TNFRSF19: variants seen among roughly 807,000 people sequenced by gnomAD.
TNFRSF19 encodes the protein TNF receptor superfamily member 19.
Under a neutral mutation model 46.4 loss-of-function variants are expected in TNFRSF19, and 27 were observed. The ratio of observed to expected loss-of-function variants is 0.58; its 90% CI spans 0.43 to 0.80. The LOEUF (loss-of-function observed/expected upper bound fraction) is 0.80, where lower values mean the gene tolerates loss of function less well. Among genes scored for constraint, TNFRSF19 ranks in the 30% least tolerant of loss-of-function variants. TNFRSF19 has a pLI of 0.00. For synonymous variants in TNFRSF19, 204 were observed against 205.0 expected, an observed-to-expected ratio of 1.00 and a Z score of 0.04; for missense variants, 511 against 530.8, an observed-to-expected ratio of 0.96 and a Z score of 0.37.
intron 7 of TNFRSF19, among the ~76,000 whole-genome samples, chr13:23,662,211 T>A (rs1338943784): frequency 6.6e-6 from 1 of 152,196 alleles, no homozygotes; most frequent in Non-Finnish European, 1.5e-5. Flanking sequence ...GATTTTTGTA[T>A]ATGGTGTAAA....
At chr13:23,580,167 G>A (rs7326101) in intron 1 of TNFRSF19, among the ~76,000 whole-genome samples, 6,781 of 152,284 alleles carry the variant, frequency 0.045, 502 homozygotes, top group African/African-American at 0.15. Context: ...ATATACTCCT[G>A]GAGATCAAGT....
intron 1 of TNFRSF19, among the ~76,000 whole-genome samples, chr13:23,576,626 CA>C (rs1332713155): frequency 1.3e-5 from 2 of 152,078 alleles, no homozygotes; most frequent in African/African-American, 4.8e-5. Flanking sequence ...AAGTCCCTTA[CA>C]AAAAATGGTA....
At chr13:23,667,634 C>T (rs1260341897) in intron 7 of TNFRSF19, among the ~76,000 whole-genome samples, 3 of 152,138 alleles carry the variant, frequency 2.0e-5, no homozygotes, top group Non-Finnish European at 2.9e-5. Flanking sequence ...AGTACATTCT[C>T]ACTGTGGTGC....
intron 1 of TNFRSF19, among the ~76,000 whole-genome samples, chr13:23,572,216 C>T (rs1014242430): frequency 1.3e-5 from 2 of 152,100 alleles, no homozygotes; most frequent in African/African-American, 2.4e-5. Context: ...TCATTAATAA[C>T]TTAATCTTAA....
At chr13:23,669,866 T>C (rs1366405687) in intron 9 of TNFRSF19, among the ~76,000 whole-genome samples, 1 of 152,178 alleles carries the variant, frequency 6.6e-6, no homozygotes, top group African/African-American at 2.4e-5. Context: ...CATGTATTGT[T>C]AGTGTTAAGT....
Position 23,620,298 on chromosome 13 carries a change from G to C in TNFRSF19, c.359+4253G>C, listed in dbSNP as rs1031640739. On this transcript the variant is annotated intron_variant, in intron 4 of 9. Transcript: ENST00000248484. ...AAAGCAATGCAGAAGTCAGGCAAAA[G>C]GCAGGCATTGCTCTTTTTGGTGCCA... Among the ~76,000 whole-genome samples the C allele has an allele frequency of 2.0e-5, 3 of 152,278 alleles. No individual in the cohort carries two copies. The East Asian group carries it at 5.8e-4, about 29-fold the overall frequency.
At chr13:23,646,107 C>A (rs973729424) in intron 5 of TNFRSF19, among the ~76,000 whole-genome samples, 1 of 152,148 alleles carries the variant, frequency 6.6e-6, no homozygotes, top group Non-Finnish European at 1.5e-5. Flanking sequence ...TTAACCCAAG[C>A]CATCACCATC....
chr13:23,633,691 A>G (rs1270226080), intron 5 of TNFRSF19, among the ~76,000 whole-genome samples: 1 of 152,124 alleles, frequency 6.6e-6, no homozygotes, highest in African/African-American at 2.4e-5. Context: ...TCTATTAAAA[A>G]TACAAAAATT....
chr13:23,615,780 G>A lies in TNFRSF19; in HGVS notation c.181-87G>A, dbSNP rs150399084. 2.6e-4 allele frequency: 354 copies of A among 1,369,424 alleles called. 6 individuals carry two copies. In the East Asian group the frequency reaches 5.9e-3, roughly 23 times the overall value. The allele number at this position is 1,369,424 out of a possible 1,614,324, so 84.8% of individuals were successfully genotyped here. The stretch of plus-strand genomic sequence containing the variant: ...GAAGGCCGACACTTGGTAATTATTA[G>A]ACCAGGTCTTCGTTTCATCCTAGCG... On this transcript the variant is annotated intron_variant, in intron 3 of 9. Transcript: ENST00000248484.
intron 3 of TNFRSF19, among the ~76,000 whole-genome samples, chr13:23,595,024 T>C (rs1272890658): frequency 6.6e-6 from 1 of 152,224 alleles, no homozygotes; most frequent in Non-Finnish European, 1.5e-5. Flanking sequence ...GCAAAGGGCC[T>C]GACTGTTTGT....
intron 4 of TNFRSF19, among the ~76,000 whole-genome samples, chr13:23,617,268 G>C (rs1462173537): frequency 6.6e-6 from 1 of 152,160 alleles, no homozygotes; most frequent in East Asian, 1.9e-4. Flanking sequence ...AGCAGAGGAA[G>C]GGGTGGGCAG....
intron 9 of TNFRSF19, among the ~76,000 whole-genome samples, chr13:23,670,662 T>C (rs1306716864): frequency 6.6e-6 from 1 of 152,174 alleles, no homozygotes; most frequent in Admixed American, 6.5e-5. Context: ...CCACACAACG[T>C]AGGAACTGAG....
intron 1 of TNFRSF19, among the ~76,000 whole-genome samples, chr13:23,573,574 T>C (rs1327712055): frequency 1.3e-5 from 2 of 152,214 alleles, no homozygotes; most frequent in Non-Finnish European, 2.9e-5. Context: ...ATGATGCCAG[T>C]GGCATCCAAA....
chr13:23,574,192 C>T (rs1877811505), intron 1 of TNFRSF19, among the ~76,000 whole-genome samples: 1 of 151,982 alleles, frequency 6.6e-6, no homozygotes, highest in Non-Finnish European at 1.5e-5. Flanking sequence ...GGGCTTATCA[C>T]CCTCTTTAGG....
At chr13:23,599,287 C>T (rs1879957680) in intron 3 of TNFRSF19, among the ~76,000 whole-genome samples, 1 of 152,092 alleles carries the variant, frequency 6.6e-6, no homozygotes, top group African/African-American at 2.4e-5. Flanking sequence ...TTTAAAAATG[C>T]CATCATGCCC....
rs745647252 is a variant in TNFRSF19 at position 23,668,840 on chromosome 13, A to T, written c.988A>T (p.Thr330Ser). The change falls in exon 9 of 10, where the codon ACT (threonine) becomes TCT (serine). Residue 330 changes from threonine to serine, a missense_variant. Coordinates refer to ENST00000248484, the MANE Select transcript of TNFRSF19 (RefSeq NM_148957.4). ...TTTTTGTGACTCTTATCCTGAACTC[A>T]CTGGAGAAGACATTCATTCTCTCAA... Reference protein sequence around the residue: ...ISFCDSYPELTGEDIHSLNPE... With the variant: ...ISFCDSYPELSGEDIHSLNPE... 1 of 1,614,248 alleles carries T rather than the reference A, an allele frequency of 6.2e-7. No homozygotes were observed. Among genetic ancestry groups the T allele is most frequent in the South Asian group, 1.1e-5 (1 of 91,088 alleles).
chr13:23,590,243 A>G lies in TNFRSF19; in HGVS notation c.60A>G (p.Leu20=). The G allele has an allele frequency of 6.3e-7, 1 of 1,584,146 alleles. No homozygotes were observed. Among genetic ancestry groups the G allele is most frequent in the Non-Finnish European group, 8.6e-7 (1 of 1,164,600 alleles). ...EKTFFTLLVL[L]GYLSCKVTCE... The stretch of plus-strand genomic sequence containing the variant: ...CGTTTTTCACTCTTTTAGTATTACT[A>G]GGCTATTTGGTAAGTAAAGTCCTTT... The change falls in exon 2 of 10, where the codon CTA becomes CTG. Residue 20 remains leucine, a synonymous_variant. Coordinates refer to ENST00000248484, the MANE Select transcript of TNFRSF19 (RefSeq NM_148957.4).
chr13:23,674,513 T>C lies in TNFRSF19; in HGVS notation c.*1133T>C, dbSNP rs1483196560. On this transcript the variant is annotated 3_prime_UTR_variant, in exon 10 of 10. Coordinates refer to ENST00000248484, the MANE Select transcript of TNFRSF19 (RefSeq NM_148957.4). ...CATCTCCTACTTTAGCCATCCGGTG[T>C]TGGATTTAAGAGGACGGTGCTTCTT... 6.6e-6 allele frequency: 1 copy of C among 152,220 alleles called. No individual in the cohort carries two copies. The highest frequency in any genetic ancestry group is 1.9e-4 in the East Asian group (1 of 5,192). The allele number at this position is 152,220 out of a possible 1,614,324, so 9.4% of individuals were successfully genotyped here.
rs759443127 is a variant in TNFRSF19, at chr13:23,615,975, G to A, written c.289G>A (p.Val97Met). 1.2e-6 allele frequency: 2 copies of A among 1,613,818 alleles called. No individual in the cohort carries two copies. Among genetic ancestry groups the A allele is most frequent in the South Asian group, 2.2e-5 (2 of 91,042 alleles). ...ATGCAAGCCCTGTCTGGACTGCGCAGTGGTGAACCGCTTTCAGAAGGCAAA... is the reference window on the plus strand; with the variant it reads ...ATGCAAGCCCTGTCTGGACTGCGCAATGGTGAACCGCTTTCAGAAGGCAAA... Reference protein sequence around the residue: ...QKCKPCLDCAVVNRFQKANCS... With the variant: ...QKCKPCLDCAMVNRFQKANCS... Residue 97 changes from valine to methionine, a missense_variant, in exon 4 of 10, where the codon GTG becomes ATG. This residue lies in a region of TNFRSF19 where 121 missense variants were observed against 124.1 expected (regional missense o/e 0.98). Transcript: ENST00000248484.
Sources: allele counts gnomAD v4.1 joint callset (sites outside exome capture counted in the v4.1 genomes callset), GRCh38; gene constraint gnomAD v4.1.1; regional missense constraint gnomAD v4.1.1; transcripts MANE v1.5; gene names NCBI Gene and HGNC (gene_info 2026-07-23, HGNC 2026-07-21).